RPS6KC1: variants seen among roughly 807,000 people sequenced by gnomAD.
RPS6KC1 encodes inactive ribosomal protein S6 kinase delta-1.
RPS6KC1 carries 54 observed loss-of-function variants against 103.8 expected under a neutral mutation model. The observed-to-expected ratio is 0.52, with a 90% CI of 0.42 to 0.65. RPS6KC1 has a LOEUF of 0.65. Ranked by LOEUF, RPS6KC1 falls within the 30% of genes least tolerant of loss-of-function variation. The probability of loss-of-function intolerance (pLI) is 0.00; values close to 1 mark genes in which losing one functional copy is unlikely to be tolerated. For missense variants in RPS6KC1, 1,151 were observed against 1,253.8 expected (o/e 0.92, Z 1.24); for synonymous variants, 439 against 438.7 (o/e 1.00, Z -0.01).
At chr1:213,487,746 G>A in the RPS6KC1 span, among the ~76,000 whole-genome samples, 3 of 152,102 alleles carry the variant, frequency 2.0e-5, no homozygotes, top group Non-Finnish European at 2.9e-5. Flanking sequence ...TGAGTCATAT[G>A]GGGATGCTCA....
chr1:213,343,389 GTGTATATATATATATATA>G, the RPS6KC1 span, among the ~76,000 whole-genome samples: 122 of 65,858 alleles, frequency 1.9e-3, 3 homozygotes, highest in African/African-American at 9.2e-3. Flanking sequence ...TCAGTGTTGT[GTGTATATATATATATATA>G]TATATATATA....
chr1:213,798,260 A>T, the RPS6KC1 span, among the ~76,000 whole-genome samples: 1 of 152,212 alleles, frequency 6.6e-6, no homozygotes, highest in Non-Finnish European at 1.5e-5. Context: ...AACGGCAGAG[A>T]TTCTTAGCAG....
chr1:213,319,734 A>G, the RPS6KC1 span, among the ~76,000 whole-genome samples: 1 of 152,196 alleles, frequency 6.6e-6, no homozygotes, highest in Non-Finnish European at 1.5e-5. Flanking sequence ...TGCATCTCAC[A>G]TTGGAGCTAT....
the RPS6KC1 span, among the ~76,000 whole-genome samples, chr1:213,400,824 G>A: frequency 2.0e-5 from 3 of 151,266 alleles, no homozygotes; most frequent in South Asian, 2.1e-4. Flanking sequence ...CTCCTGCCTC[G>A]GCCTCCTGAG....
chr1:213,251,935 C>G (rs1271738658), intron 12 of RPS6KC1, among the ~76,000 whole-genome samples: 3 of 152,098 alleles, frequency 2.0e-5, no homozygotes, highest in African/African-American at 7.2e-5. Context: ...AAGAAATATA[C>G]AATTGGTTAA....
chr1:213,319,490 C>T, the RPS6KC1 span, among the ~76,000 whole-genome samples: 1 of 152,158 alleles, frequency 6.6e-6, no homozygotes, highest in Admixed American at 6.5e-5. Context: ...GGTCAGCTCT[C>T]AGTTCATAAT....
chr1:213,646,362 A>C, the RPS6KC1 span, among the ~76,000 whole-genome samples: 3 of 152,198 alleles, frequency 2.0e-5, no homozygotes, highest in African/African-American at 7.2e-5. Flanking sequence ...TAGAGACAGG[A>C]GTGTGGCCTG....
the RPS6KC1 span, among the ~76,000 whole-genome samples, chr1:213,540,316 C>T: frequency 3.9e-5 from 6 of 152,122 alleles, no homozygotes; most frequent in African/African-American, 1.2e-4. Flanking sequence ...CAAGGTCTCA[C>T]TATGTTGTCC....
Position 213,230,529 on chromosome 1 carries a change from G to T in RPS6KC1, c.1077G>T (p.Gln359His), listed in dbSNP as rs2094069794. 6.2e-7 allele frequency: 1 copy of T among 1,605,400 alleles called. No homozygotes were observed. The highest frequency in any genetic ancestry group is 8.5e-7 in the Non-Finnish European group (1 of 1,175,578). Residue 359 changes from glutamine (Q) to histidine (H), a missense_variant, in exon 9 of 15, where the codon CAG becomes CAT. Around this residue, in one of 3 missense-constraint regions of RPS6KC1, gnomAD observed 959 missense variants for 1,006.3 expected, o/e 0.95. Transcript: ENST00000366960. The part of the protein sequence containing the change: ...VLLVMDTRTE[Q>H]TFILKGLRKS... ...TTGTAATGGACACAAGGACAGAACAGACTTTCATTTTAAAAGTAAGTAAAA... is the reference window on the plus strand; with the variant it reads ...TTGTAATGGACACAAGGACAGAACATACTTTCATTTTAAAAGTAAGTAAAA...
At chr1:213,471,560 C>T in the RPS6KC1 span, among the ~76,000 whole-genome samples, 1 of 152,070 alleles carries the variant, frequency 6.6e-6, no homozygotes, top group African/African-American at 2.4e-5. Context: ...TCCTCCTATC[C>T]CAAGTTTCTG....
At chr1:213,309,669 C>T in the RPS6KC1 span, among the ~76,000 whole-genome samples, 2 of 152,184 alleles carry the variant, frequency 1.3e-5, no homozygotes, top group South Asian at 4.1e-4. Flanking sequence ...GTGCTTGATT[C>T]TCCTCTTCTC....
the RPS6KC1 span, among the ~76,000 whole-genome samples, chr1:213,409,306 G>A: frequency 1.3e-5 from 2 of 152,078 alleles, no homozygotes; most frequent in Non-Finnish European, 2.9e-5. Context: ...TTGTGGGGAT[G>A]CCGTGACAGA....
chr1:213,569,131 G>C, the RPS6KC1 span, among the ~76,000 whole-genome samples: 2 of 152,144 alleles, frequency 1.3e-5, no homozygotes, highest in African/African-American at 4.8e-5. Context: ...CTTTGGCTGT[G>C]CTTTTCCTAG....
the RPS6KC1 span, among the ~76,000 whole-genome samples, chr1:213,588,028 C>T: frequency 6.6e-6 from 1 of 152,188 alleles, no homozygotes; most frequent in Non-Finnish European, 1.5e-5. Flanking sequence ...GCCTGTTCCT[C>T]ATAGATGGCC....
chr1:213,817,257 T>G, the RPS6KC1 span, among the ~76,000 whole-genome samples: 1 of 152,036 alleles, frequency 6.6e-6, no homozygotes. Flanking sequence ...TCCTCCCAGG[T>G]CTCCTTCCGT....
chr1:213,237,610 G>GA (rs1369641572), intron 10 of RPS6KC1, among the ~76,000 whole-genome samples: 1 of 151,800 alleles, frequency 6.6e-6, no homozygotes, highest in Non-Finnish European at 1.5e-5. Flanking sequence ...TGATTACTGT[G>GA]ATAGCAGTGT....
At chr1:213,833,168 G>A in the RPS6KC1 span, among the ~76,000 whole-genome samples, 1 of 152,140 alleles carries the variant, frequency 6.6e-6, no homozygotes, top group Non-Finnish European at 1.5e-5. Context: ...GGGAAATTGT[G>A]GACCAGAAAG....
intron 8 of RPS6KC1, among the ~76,000 whole-genome samples, chr1:213,188,909 G>A (rs955239503): frequency 4.0e-5 from 6 of 151,650 alleles, no homozygotes; most frequent in Non-Finnish European, 8.8e-5. Context: ...AACTATAATA[G>A]CTAAAATAGT....
At chr1:213,525,057 G>C in the RPS6KC1 span, among the ~76,000 whole-genome samples, 2 of 152,190 alleles carry the variant, frequency 1.3e-5, no homozygotes, top group African/African-American at 2.4e-5. Flanking sequence ...GTGACACCCA[G>C]TAAATGTGAT....
Sources: allele counts gnomAD v4.1 joint callset (sites outside exome capture counted in the v4.1 genomes callset), GRCh38; gene constraint gnomAD v4.1.1; regional missense constraint gnomAD v4.1.1; transcripts MANE v1.5; gene names NCBI Gene and HGNC (gene_info 2026-07-23, HGNC 2026-07-21).